The following OTUD7A variants were observed in gnomAD, a reference collection of about 807,000 sequenced individuals.
OTUD7A encodes OTU domain-containing protein 7A.
Under a neutral mutation model 65.7 loss-of-function variants are expected in OTUD7A, and 12 were observed. The ratio of observed to expected loss-of-function variants is 0.18; its 90% CI spans 0.12 to 0.30. The LOEUF (loss-of-function observed/expected upper bound fraction) is 0.30. Ranked by LOEUF, OTUD7A falls within the 10% of genes least tolerant of loss-of-function variation. The probability of loss-of-function intolerance (pLI) is 1.00; values close to 1 mark genes in which losing one functional copy is unlikely to be tolerated. For synonymous variants in OTUD7A, 641 were observed against 586.3 expected, an observed-to-expected ratio of 1.09 and a Z score of -1.35; for missense variants, 1,148 against 1,304.8, an observed-to-expected ratio of 0.88 and a Z score of 1.85.
At chr15:31,840,311 G>A (rs1013409706) in intron 1 of OTUD7A, among the ~76,000 whole-genome samples, 5 of 151,940 alleles carry the variant, frequency 3.3e-5, no homozygotes, top group African/African-American at 4.8e-5. Context: ...GGTGGCGCAC[G>A]CCTGTAATCT....
At chr15:31,643,579 G>A (rs1891579892) in intron 3 of OTUD7A, among the ~76,000 whole-genome samples, 1 of 152,122 alleles carries the variant, frequency 6.6e-6, no homozygotes, top group South Asian at 2.1e-4. Flanking sequence ...TAGTGCCCTT[G>A]TCTGATAATT....
At chr15:31,808,165 A>G (rs1896328880) in intron 1 of OTUD7A, among the ~76,000 whole-genome samples, 1 of 147,044 alleles carries the variant, frequency 6.8e-6, no homozygotes, top group South Asian at 2.2e-4. Context: ...TTTTTCCTTC[A>G]CAAGGTTTCA....
At chr15:31,542,541 T>C (rs184591900) in intron 5 of OTUD7A, among the ~76,000 whole-genome samples, 7 of 152,156 alleles carry the variant, frequency 4.6e-5, no homozygotes, top group East Asian at 1.9e-4. Context: ...AGATCTAACA[T>C]TGTCCAATCA....
intron 5 of OTUD7A, among the ~76,000 whole-genome samples, chr15:31,546,955 TTTC>T (rs1405117155): frequency 6.6e-6 from 1 of 152,150 alleles, no homozygotes. Flanking sequence ...TTGATGTGAG[TTTC>T]TTGTCTGAGT....
At chr15:31,709,202 A>G (rs572988359) in intron 1 of OTUD7A, among the ~76,000 whole-genome samples, 198 of 151,950 alleles carry the variant, frequency 1.3e-3, no homozygotes, top group African/African-American at 4.6e-3. Flanking sequence ...GCTATGGCCT[A>G]GGACCACAGG....
chr15:31,821,817 A>C (rs989713859), intron 1 of OTUD7A, among the ~76,000 whole-genome samples: 2 of 152,352 alleles, frequency 1.3e-5, no homozygotes, highest in South Asian at 4.1e-4. Context: ...TAGTGGATGT[A>C]AAGTGCTGTC....
chr15:31,532,933 CA>C (rs35993038), intron 5 of OTUD7A, among the ~76,000 whole-genome samples: 9,433 of 56,510 alleles, frequency 0.17, 1,127 homozygotes, highest in African/African-American at 0.39. Flanking sequence ...GACTCCGTAT[CA>C]AAAAAAAAAA....
chr15:31,733,902 G>C (rs1212660805), intron 1 of OTUD7A, among the ~76,000 whole-genome samples: 1 of 152,176 alleles, frequency 6.6e-6, no homozygotes, highest in South Asian at 2.1e-4. Flanking sequence ...CTACAGGTAC[G>C]GAGACAGGAC....
intron 1 of OTUD7A, among the ~76,000 whole-genome samples, chr15:31,659,041 G>GAATGAATGAATA (rs1334228270): frequency 7.2e-5 from 9 of 125,502 alleles, no homozygotes; most frequent in African/African-American, 2.5e-4. Flanking sequence ...ATGAATGAAT[G>GAATGAATGAATA]AATAAATAAA....
At chr15:31,610,263 A>G (rs1480906097) in intron 3 of OTUD7A, among the ~76,000 whole-genome samples, 1 of 152,132 alleles carries the variant, frequency 6.6e-6, no homozygotes, top group East Asian at 1.9e-4. Context: ...TCACAATCCT[A>G]ACCATATATG....
intron 8 of OTUD7A, among the ~76,000 whole-genome samples, chr15:31,514,341 G>A (rs527394967): frequency 2.0e-5 from 3 of 152,066 alleles, no homozygotes; most frequent in African/African-American, 7.2e-5. Flanking sequence ...GTGAGCCACC[G>A]TGCCCAGCTC....
chr15:31,483,555 C>A lies in OTUD7A; in HGVS notation c.2541G>T (p.Thr847=). 2 of 1,310,576 alleles carry A rather than the reference C, an allele frequency of 1.5e-6. No homozygotes were observed. Among genetic ancestry groups the A allele is most frequent in the Non-Finnish European group, 9.7e-7 (1 of 1,027,094 alleles). 81.2% of individuals were successfully genotyped at this position (1,310,576 alleles called of 1,614,324 possible). ...GCGACTTGTGCTCGGCCGCCCCCGC[C>A]GTCCCCGCCGCGCCCGGTAGGGCCC... is the stretch of plus-strand genomic sequence containing the variant. The part of the protein sequence containing the change: ...VPGALPGAAG[T]AGAAEHKSQT... The change falls in exon 13 of 13, where the codon ACG becomes ACT. Residue 847 remains threonine (T), a synonymous_variant. Coordinates refer to ENST00000307050, the MANE Select transcript of OTUD7A (RefSeq NM_001382637.1).
At chr15:31,527,049 A>G (rs2042024484) in intron 7 of OTUD7A, 132 bp downstream of exon 7, 1 of 1,346,578 alleles carries the variant, frequency 7.4e-7, no homozygotes, top group Non-Finnish European at 1.0e-6. Context: ...GACTTTCCTG[A>G]TCCCAGGGGC....
At chr15:31,501,410 T>C (rs574489443) in intron 10 of OTUD7A, among the ~76,000 whole-genome samples, 5 of 152,368 alleles carry the variant, frequency 3.3e-5, no homozygotes, top group Admixed American at 2.6e-4. Context: ...CTATAAAATA[T>C]GTATACATGT....
rs531004599 is a variant in OTUD7A, at chr15:31,484,807, G to A, written c.1372-83C>T. The A allele has an allele frequency of 6.6e-7, 1 of 1,509,094 alleles. No individual in the cohort carries two copies. Among genetic ancestry groups the A allele is most frequent in the African/African-American group, 1.4e-5 (1 of 73,112 alleles). 93.5% of individuals were successfully genotyped at this position (1,509,094 alleles called of 1,614,324 possible). A position where few individuals can be genotyped will look rare whatever the true frequency, so the allele number is the denominator to read the frequency against. ...AGCGAGGAAGACACACCTTGCCCCTGTGTTGCCGAGGCTAGGGCCCTGGAC... is the reference window on the plus strand; with the variant it reads ...AGCGAGGAAGACACACCTTGCCCCTATGTTGCCGAGGCTAGGGCCCTGGAC... On this transcript the variant is annotated intron_variant, in intron 12 of 12. Coordinates refer to ENST00000307050, the MANE Select transcript of OTUD7A (RefSeq NM_001382637.1). This position sits in a 1 kb window ranked among gnomAD's most constrained non-coding sequence, Gnocchi z 4.5.
chr15:31,565,654 C>T (rs2141166645), intron 4 of OTUD7A, among the ~76,000 whole-genome samples: 1 of 152,236 alleles, frequency 6.6e-6, no homozygotes, highest in Non-Finnish European at 1.5e-5. Flanking sequence ...GGGTGAGACC[C>T]TGTGAAACCA....
At chr15:31,841,169 G>C (rs1053253378) in intron 1 of OTUD7A, among the ~76,000 whole-genome samples, 4 of 152,202 alleles carry the variant, frequency 2.6e-5, no homozygotes, top group Non-Finnish European at 5.9e-5. Context: ...TGTGTGGTCA[G>C]AAGACTCAGG....
chr15:31,525,243 A>G (rs2141116205), intron 8 of OTUD7A, among the ~76,000 whole-genome samples: 1 of 152,302 alleles, frequency 6.6e-6, no homozygotes, highest in African/African-American at 2.4e-5. Context: ...AGAGGAAGAG[A>G]GCAGTTTTCC....
rs137938296 is a variant in OTUD7A, at chr15:31,492,951, T to C, written c.1172-5385A>G. On this transcript the variant is annotated intron_variant, in intron 10 of 12. Transcript: ENST00000307050. Reference sequence around the variant, plus strand: ...TGTAAGGGCCAGGCACTGTGGCTCATGCCCAGCACTTTGGGAGGCTGAGAT... The same window carrying C: ...TGTAAGGGCCAGGCACTGTGGCTCACGCCCAGCACTTTGGGAGGCTGAGAT... Among the ~76,000 whole-genome samples the C allele has an allele frequency of 2.5e-3, 381 of 152,238 alleles. 1 individual carries two copies. The highest frequency in any genetic ancestry group is 8.9e-3 in the African/African-American group (371 of 41,542).
Sources: allele counts gnomAD v4.1 joint callset (sites outside exome capture counted in the v4.1 genomes callset), GRCh38; gene constraint gnomAD v4.1.1; non-coding constraint Gnocchi (gnomAD v3.1); transcripts MANE v1.5; gene names NCBI Gene and HGNC (gene_info 2026-07-23, HGNC 2026-07-21).